PIP5K1B: variants seen among roughly 807,000 people sequenced by gnomAD.
The protein encoded by PIP5K1B is phosphatidylinositol 4-phosphate 5-kinase type-1 beta.
A neutral mutation model predicts 67.0 loss-of-function variants in PIP5K1B; 42 were observed. That is an observed-to-expected ratio of 0.63 (90% CI 0.49 to 0.81). The LOEUF is 0.81. Ranked by LOEUF, PIP5K1B falls within the 30% of genes least tolerant of loss-of-function variation. The pLI is 0.00. For synonymous variants in PIP5K1B, 214 were observed against 231.4 expected, an observed-to-expected ratio of 0.92 and a Z score of 0.68; for missense variants, 459 against 646.3, an observed-to-expected ratio of 0.71 and a Z score of 3.14.
At chr9:68,747,529 A>T (rs1829379778) in intron 2 of PIP5K1B, among the ~76,000 whole-genome samples, 1 of 151,956 alleles carries the variant, frequency 6.6e-6, no homozygotes, top group Non-Finnish European at 1.5e-5. Flanking sequence ...TTATTATCTC[A>T]TCTGGCTCTG....
At chr9:68,771,935 G>A (rs1564122179) in intron 2 of PIP5K1B, among the ~76,000 whole-genome samples, 1 of 152,156 alleles carries the variant, frequency 6.6e-6, no homozygotes, top group Non-Finnish European at 1.5e-5. Context: ...ATTTGTATGA[G>A]GTAGGAGGAA....
At chr9:68,847,889 G>A (rs1822276602) in intron 4 of PIP5K1B, among the ~76,000 whole-genome samples, 1 of 152,216 alleles carries the variant, frequency 6.6e-6, no homozygotes, top group South Asian at 2.1e-4. Flanking sequence ...AGCAGTTGGA[G>A]TAGCCACATA....
intron 14 of PIP5K1B, among the ~76,000 whole-genome samples, chr9:68,948,826 T>G (rs141117578): frequency 7.9e-4 from 120 of 152,296 alleles, no homozygotes; most frequent in African/African-American, 2.6e-3. Context: ...ACTTCTGAAG[T>G]GATTAGCTTT....
At chr9:68,889,241 G>A in intron 7 of PIP5K1B, 108 bp downstream of exon 7, 1 of 796,066 alleles carries the variant, frequency 1.3e-6, no homozygotes, top group Non-Finnish European at 2.0e-6. Flanking sequence ...CTTTCTCTTT[G>A]GTAAGCTTTA....
intron 2 of PIP5K1B, among the ~76,000 whole-genome samples, chr9:68,749,563 C>T (rs1056061177): frequency 6.6e-6 from 1 of 152,204 alleles, no homozygotes; most frequent in East Asian, 1.9e-4. Context: ...ATGCACTTCT[C>T]TTATAAGGTA....
intron 1 of PIP5K1B, among the ~76,000 whole-genome samples, chr9:68,706,404 A>G (rs1204998402): frequency 6.6e-6 from 1 of 152,188 alleles, no homozygotes; most frequent in Non-Finnish European, 1.5e-5. Context: ...CCAGAACAGA[A>G]GAAAACAAAT....
chr9:68,825,894 T>C (rs1833953481), intron 4 of PIP5K1B, among the ~76,000 whole-genome samples: 1 of 152,222 alleles, frequency 6.6e-6, no homozygotes, highest in Admixed American at 6.5e-5. Context: ...TTCAGCGTCA[T>C]GAGTGCTATG....
At chr9:68,712,542 T>TGGTA (rs1182707054) in intron 1 of PIP5K1B, among the ~76,000 whole-genome samples, 2 of 152,218 alleles carry the variant, frequency 1.3e-5, no homozygotes, top group Non-Finnish European at 2.9e-5. Flanking sequence ...GTTTGGCACA[T>TGGTA]GGTAGGTCCT....
intron 3 of PIP5K1B, among the ~76,000 whole-genome samples, chr9:68,819,265 A>G (rs1169133526): frequency 6.6e-6 from 1 of 152,098 alleles, no homozygotes; most frequent in Non-Finnish European, 1.5e-5. Flanking sequence ...CTAAAATGAC[A>G]CAGTATTTGC....
chr9:68,743,143 G>A (rs1829097857), intron 2 of PIP5K1B, among the ~76,000 whole-genome samples: 1 of 152,048 alleles, frequency 6.6e-6, no homozygotes, highest in Non-Finnish European at 1.5e-5. Context: ...AACCTAGTGG[G>A]GAGCAGGCCC....
intron 2 of PIP5K1B, chr9:68,780,084 C>T (rs2132452243): frequency 2.2e-5 from 31 of 1,388,650 alleles, no homozygotes; most frequent in Middle Eastern, 2.7e-4. Context: ...GTGGCGGCGG[C>T]AGCGGCGGCG....
chr9:68,771,858 T>TA (rs1753293419), intron 2 of PIP5K1B, among the ~76,000 whole-genome samples: 1 of 152,222 alleles, frequency 6.6e-6, no homozygotes, highest in African/African-American at 2.4e-5. Flanking sequence ...ATTCATTTCC[T>TA]ACTATCAAAT....
chr9:68,883,816 C>G (rs1824318927), intron 6 of PIP5K1B, among the ~76,000 whole-genome samples: 1 of 103,234 alleles, frequency 9.7e-6, no homozygotes, highest in African/African-American at 3.2e-5. Context: ...GATAGAGAGC[C>G]CAGAAATAAA....
At chr9:68,772,431 G>T (rs1280374780) in intron 2 of PIP5K1B, among the ~76,000 whole-genome samples, 1 of 152,216 alleles carries the variant, frequency 6.6e-6, no homozygotes, top group Non-Finnish European at 1.5e-5. Context: ...GGGGTTTTAA[G>T]TGAATAAATA....
chr9:68,885,958 G>A (rs1824450358), intron 6 of PIP5K1B, among the ~76,000 whole-genome samples: 1 of 152,194 alleles, frequency 6.6e-6, no homozygotes, highest in Non-Finnish European at 1.5e-5. Flanking sequence ...GAGGCCGGCG[G>A]ATCATGAGGT....
At chr9:68,772,626 G>C (rs1564122728) in intron 2 of PIP5K1B, among the ~76,000 whole-genome samples, 1 of 152,136 alleles carries the variant, frequency 6.6e-6, no homozygotes, top group Non-Finnish European at 1.5e-5. Flanking sequence ...CACAGATTCT[G>C]CTGGCAAAGA....
Position 68,729,039 on chromosome 9 carries a change from A to G in PIP5K1B, c.-242-13462A>G, listed in dbSNP as rs577129672. 7.2e-5 allele frequency: 11 copies of G among 152,308 alleles called. No homozygotes were observed. In the East Asian group the frequency reaches 1.9e-3, roughly 27 times the overall value. The allele number at this position is 152,308 out of a possible 1,614,324, so 9.4% of individuals were successfully genotyped here. Reference sequence around the variant, plus strand: ...TGTAGCTACTTAGAAGTGGTAATTCATGGCACACTTAATGATTTCTTCCTA... The same window carrying G: ...TGTAGCTACTTAGAAGTGGTAATTCGTGGCACACTTAATGATTTCTTCCTA... On this transcript the variant is annotated intron_variant, in intron 1 of 15. Coordinates refer to ENST00000265382, the MANE Select transcript of PIP5K1B (RefSeq NM_003558.4).
intron 1 of PIP5K1B, among the ~76,000 whole-genome samples, chr9:68,723,257 G>T (rs990788110): frequency 6.6e-6 from 1 of 151,976 alleles, no homozygotes; most frequent in African/African-American, 2.4e-5. Context: ...CACTTACATT[G>T]ATTCTATGTG....
At chr9:68,748,436 C>T (rs1241345023) in intron 2 of PIP5K1B, among the ~76,000 whole-genome samples, 1 of 152,078 alleles carries the variant, frequency 6.6e-6, no homozygotes, top group Non-Finnish European at 1.5e-5. Flanking sequence ...ACTTTAGACT[C>T]AGGAAGAAGG....
Sources: allele counts gnomAD v4.1 joint callset (sites outside exome capture counted in the v4.1 genomes callset), GRCh38; gene constraint gnomAD v4.1.1; transcripts MANE v1.5; gene names NCBI Gene and HGNC (gene_info 2026-07-23, HGNC 2026-07-21).